The following MED26 variants were observed in gnomAD, a reference collection of about 807,000 sequenced individuals.
The protein encoded by MED26 is mediator complex subunit 26, also known as mediator of RNA polymerase II transcription subunit 26.
Under a neutral mutation model 43.7 loss-of-function variants are expected in MED26, and 7 were observed. That is an observed-to-expected ratio of 0.16 (90% CI 0.09 to 0.30). The LOEUF is 0.30. Ranked by LOEUF, MED26 falls within the 10% of genes least tolerant of loss-of-function variation. MED26 has a pLI of 1.00. For missense variants in MED26, 784 were observed against 840.6 expected (o/e 0.93, Z 0.83); for synonymous variants, 375 against 371.1 (o/e 1.01, Z -0.12).
intron 1 of MED26, among the ~76,000 whole-genome samples, chr19:16,615,927 C>T (rs921405568): frequency 6.6e-6 from 1 of 152,176 alleles, no homozygotes; most frequent in South Asian, 2.1e-4. Context: ...CCAACCTACT[C>T]CAGCAAAGTG....
chr19:16,624,661 T>A (rs114297838), intron 1 of MED26: 183 of 152,372 alleles, frequency 1.2e-3, no homozygotes, highest in African/African-American at 4.2e-3. Context: ...ACAGTTCTAC[T>A]GAGTAGCATC....
intron 1 of MED26, among the ~76,000 whole-genome samples, chr19:16,604,032 C>CATTCACATGA (rs1257003194): frequency 6.6e-6 from 1 of 152,232 alleles, no homozygotes; most frequent in African/African-American, 2.4e-5. Context: ...CACAGGGAGA[C>CATTCACATGA]ATTCACATGA....
In MED26 at chr19:16,576,725, G is replaced by T. The variant is rs141093074; in HGVS notation, c.1105C>A (p.Arg369=). The T allele has an allele frequency of 6.2e-7, 1 of 1,611,688 alleles. No individual in the cohort carries two copies. Among genetic ancestry groups the T allele is most frequent in the Non-Finnish European group, 8.5e-7 (1 of 1,179,880 alleles). Reference sequence around the variant, plus strand: ...GAGGAGTCTGGGGAAAAGCCTGCCCGGGACAGGAGGGGCTCGGCTGGGGAC... The same window carrying T: ...GAGGAGTCTGGGGAAAAGCCTGCCCTGGACAGGAGGGGCTCGGCTGGGGAC... ...GLSPAEPLLS[R]AGFSPDSSKA... Residue 369 remains arginine (R), a synonymous_variant, in exon 3 of 3, where the codon CGG becomes AGG. Coordinates refer to ENST00000263390, the MANE Select transcript of MED26 (RefSeq NM_004831.5). The surrounding 1 kb of genome is among the most constrained non-coding windows in gnomAD (Gnocchi z 6.8).
chr19:16,581,413 TC>T (rs1350244631), intron 1 of MED26, among the ~76,000 whole-genome samples: 1 of 152,162 alleles, frequency 6.6e-6, no homozygotes, highest in Non-Finnish European at 1.5e-5. Flanking sequence ...CCCCAGGCAC[TC>T]CAGCACCGAC....
intron 1 of MED26, chr19:16,624,636 A>T (rs1181665692): frequency 6.6e-6 from 1 of 152,244 alleles, no homozygotes; most frequent in Non-Finnish European, 1.5e-5. Context: ...TCATCACTTA[A>T]CATCTGTGTT....
At chr19:16,617,372 T>C (rs2086231136) in intron 1 of MED26, among the ~76,000 whole-genome samples, 1 of 152,128 alleles carries the variant, frequency 6.6e-6, no homozygotes, top group Non-Finnish European at 1.5e-5. Flanking sequence ...CCTCCCTGAC[T>C]TACTGTGGGC....
At chr19:16,609,311 CAAAAAAAAA>C (rs777358965) in intron 1 of MED26, among the ~76,000 whole-genome samples, 7 of 25,070 alleles carry the variant, frequency 2.8e-4, no homozygotes, top group East Asian at 1.3e-3. Context: ...GACTCCGTCT[CAAAAAAAAA>C]AAAAAAAAAA....
rs935560404 is a variant in MED26, at chr19:16,574,924, T to G, written c.*1103A>C. The G allele has an allele frequency of 2.6e-5, 4 of 151,978 alleles. No homozygotes were observed. The highest frequency in any genetic ancestry group is 9.7e-5 in the African/African-American group (4 of 41,318). 9.4% of individuals were successfully genotyped at this position (151,978 alleles called of 1,614,324 possible). A position where few individuals can be genotyped will look rare whatever the true frequency, so the allele number is the denominator to read the frequency against. Reference sequence around the variant, plus strand: ...CTCAGACTGGTTTGTGCAAATGGTTTTTTTTTTTTTTTTATTTCCACATTT... The same window carrying G: ...CTCAGACTGGTTTGTGCAAATGGTTGTTTTTTTTTTTTTATTTCCACATTT... On this transcript the variant is annotated 3_prime_UTR_variant, in exon 3 of 3. Coordinates refer to ENST00000263390, the MANE Select transcript of MED26 (RefSeq NM_004831.5).
At chr19:16,625,717 T>C (rs998024924) in intron 1 of MED26, among the ~76,000 whole-genome samples, 2 of 152,188 alleles carry the variant, frequency 1.3e-5, no homozygotes, top group African/African-American at 2.4e-5. Context: ...CGCACTGACA[T>C]GCCCGGCTCT....
At chr19:16,598,520 A>G (rs1415999856) in intron 1 of MED26, among the ~76,000 whole-genome samples, 1 of 152,020 alleles carries the variant, frequency 6.6e-6, no homozygotes, top group Non-Finnish European at 1.5e-5. Context: ...TTAACCCAGC[A>G]GCACTTGCTG....
chr19:16,625,542 GT>G (rs11335301), intron 1 of MED26, among the ~76,000 whole-genome samples: 6,641 of 144,664 alleles, frequency 0.046, 280 homozygotes, highest in African/African-American at 0.1. Context: ...CACTGTCCCC[GT>G]TTTTTTTTTT....
chr19:16,608,443 C>T (rs1449151500), intron 1 of MED26, among the ~76,000 whole-genome samples: 1 of 152,210 alleles, frequency 6.6e-6, no homozygotes, highest in Admixed American at 6.5e-5. Context: ...CTTTCCCAAC[C>T]TCACATTCAG....
At chr19:16,608,151 G>GC (rs2086182893) in intron 1 of MED26, among the ~76,000 whole-genome samples, 1 of 152,250 alleles carries the variant, frequency 6.6e-6, no homozygotes, top group Non-Finnish European at 1.5e-5. Context: ...CAGGTAAGGG[G>GC]CAGGGACTCT....
At position 16,587,779 on chromosome 19, in the gene MED26, C is replaced by T. The variant is rs911370539; in HGVS notation, c.73-9370G>A. On this transcript the variant is annotated intron_variant, in intron 1 of 2. Coordinates refer to ENST00000263390, the MANE Select transcript of MED26 (RefSeq NM_004831.5). This position sits in a 1 kb window ranked among gnomAD's most constrained non-coding sequence, Gnocchi z 4.9. ...TGCAATTGCATGCTACAACTCAGCC[C>T]GGGGGACGGGAAATGCCACCTGAGT... The T allele has an allele frequency of 2.0e-5, 3 of 152,286 alleles. No individual in the cohort carries two copies. Among genetic ancestry groups the T allele is most frequent in the Non-Finnish European group, 2.9e-5 (2 of 68,096 alleles). The allele number at this position is 152,286 out of a possible 1,614,324, so 9.4% of individuals were successfully genotyped here. A position where few individuals can be genotyped will look rare whatever the true frequency, so the allele number is the denominator to read the frequency against.
chr19:16,619,741 G>C (rs1426556018), intron 1 of MED26, among the ~76,000 whole-genome samples: 3 of 152,154 alleles, frequency 2.0e-5, no homozygotes, highest in African/African-American at 4.8e-5. Context: ...CCAGAGTCAA[G>C]GCCAGCCACA....
chr19:16,589,629 G>C (rs550324715), intron 1 of MED26, among the ~76,000 whole-genome samples: 2 of 152,318 alleles, frequency 1.3e-5, no homozygotes. Flanking sequence ...AGGAGAGGAC[G>C]TTGAAGATGG....
chr19:16,613,940 C>G (rs904791428), intron 1 of MED26, among the ~76,000 whole-genome samples: 6 of 152,174 alleles, frequency 3.9e-5, no homozygotes, highest in African/African-American at 1.4e-4. Flanking sequence ...TCACTTCCCC[C>G]CTTCCAACCG....
chr19:16,594,459 G>A (rs1271598397), intron 1 of MED26, among the ~76,000 whole-genome samples: 1 of 152,218 alleles, frequency 6.6e-6, no homozygotes, highest in Admixed American at 6.5e-5. Context: ...ACCAACCTGA[G>A]AGGCCATGAT....
intron 1 of MED26, among the ~76,000 whole-genome samples, chr19:16,618,359 G>GA (rs1023851750): frequency 3.9e-5 from 6 of 152,106 alleles, no homozygotes; most frequent in African/African-American, 1.4e-4. Context: ...AGACAGGGAG[G>GA]AAAAAACAGC....
Sources: gnomAD v4.1 joint callset for allele counts (sites outside exome capture counted in the v4.1 genomes callset) on GRCh38, gnomAD v4.1.1 for gene constraint, Gnocchi (gnomAD v3.1) non-coding constraint, MANE v1.5 for transcripts, NCBI Gene and HGNC (gene_info 2026-07-23, HGNC 2026-07-21) for gene names.